Variants in CP observed in about 807,000 individuals in gnomAD.
CP encodes the protein caeruloplasmin.
In CP, 64 loss-of-function variants were observed where a neutral mutation model predicts 122.4. The ratio of observed to expected loss-of-function variants is 0.52; its 90% confidence interval spans 0.43 to 0.64. CP has a LOEUF of 0.64. Among genes scored for constraint, CP ranks in the 30% least tolerant of loss-of-function variants. CP has a pLI of 0.00. For synonymous variants in CP, 440 were observed against 436.4 expected, an observed-to-expected ratio of 1.01 and a Z score of -0.10; for missense variants, 1,167 against 1,284.4, an observed-to-expected ratio of 0.91 and a Z score of 1.40.
downstream of CP, among the ~76,000 whole-genome samples, chr3:149,171,792 C>T (rs1426012877): frequency 6.7e-6 from 1 of 148,498 alleles, no homozygotes; most frequent in Non-Finnish European, 1.5e-5. Context: ...GCAACTTCTG[C>T]CTCAAGGGTT....
chr3:149,207,757 C>T (rs1163810605), intron 4 of CP, 140 bp from the exon 5 acceptor site: 2 of 839,352 alleles, frequency 2.4e-6, no homozygotes, highest in Non-Finnish European at 3.9e-6. Flanking sequence ...ATACTCATGT[C>T]AGACATTGCT....
chr3:149,195,492 T>C (rs1366064995), intron 9 of CP, among the ~76,000 whole-genome samples: 1 of 152,190 alleles, frequency 6.6e-6, no homozygotes, highest in Non-Finnish European at 1.5e-5. Flanking sequence ...CAGAGTAATA[T>C]ATACTATGCA....
At chr3:149,178,697 T>A in intron 15 of CP, 66 bp from the exon 16 acceptor site, 1 of 1,204,894 alleles carries the variant, frequency 8.3e-7, no homozygotes, top group East Asian at 2.5e-5. Flanking sequence ...AACTGAGACT[T>A]TGCACCCAGG....
At chr3:149,176,098 C>A in intron 18 of CP, 152 bp downstream of exon 18, 1 of 721,152 alleles carries the variant, frequency 1.4e-6, no homozygotes, top group South Asian at 1.8e-5. Context: ...GGAAAAAAAT[C>A]CTGTTTGGAG....
chr3:149,200,622 C>G (rs977093720), intron 7 of CP, among the ~76,000 whole-genome samples: 1 of 151,982 alleles, frequency 6.6e-6, no homozygotes, highest in Non-Finnish European at 1.5e-5. Flanking sequence ...TCTGTCGCAG[C>G]CTCCCAGTAG....
downstream of CP, chr3:149,167,921 A>G: frequency 6.2e-7 from 1 of 1,608,040 alleles, no homozygotes; most frequent in Admixed American, 1.7e-5. Flanking sequence ...CTGTTGCCTG[A>G]ACTTTGTCAG....
chr3:149,182,037 G>C lies in CP; in HGVS notation c.2522C>G (p.Thr841Arg), dbSNP rs56033670. ...PYSIHAHGVQ[T>R]ESSTVTPTLP... The stretch of plus-strand genomic sequence containing the variant: ...TGTTGGAGTAACTGTAGAACTCTCT[G>C]TTTGTACCCCATGGGCATGTATTGA... The change falls in exon 14 of 19, where the codon ACA (threonine) becomes AGA (arginine). Residue 841 changes from threonine to arginine, a missense_variant. Around this residue, in one of 2 missense-constraint regions of CP, gnomAD observed 525 missense variants for 657.2 expected, o/e 0.80. Coordinates refer to ENST00000264613, the MANE Select transcript of CP (RefSeq NM_000096.4). 5.0e-3 allele frequency: 8,005 copies of C among 1,588,296 alleles called. 36 individuals carry two copies. Among genetic ancestry groups the C allele is most frequent in the Middle Eastern group, 0.011 (56 of 5,106 alleles).
At chr3:149,187,215 G>C (rs1374319524) in intron 10 of CP, among the ~76,000 whole-genome samples, 1 of 151,932 alleles carries the variant, frequency 6.6e-6, no homozygotes, top group Non-Finnish European at 1.5e-5. Context: ...AATTATTTTT[G>C]ATGATTAATA....
intron 9 of CP, among the ~76,000 whole-genome samples, chr3:149,194,940 G>C (rs781712283): frequency 6.6e-6 from 1 of 152,146 alleles, no homozygotes; most frequent in Non-Finnish European, 1.5e-5. Flanking sequence ...TAATAAAGCA[G>C]TATGGTATTG....
intron 4 of CP, chr3:149,167,371 CAT>C (rs1724529418): frequency 1.4e-6 from 1 of 733,418 alleles, no homozygotes; most frequent in Non-Finnish European, 2.4e-6. Context: ...GTCCATTGAG[CAT>C]ATATGTTTAA....
chr3:149,182,604 G>A (rs367937322), intron 13 of CP, among the ~76,000 whole-genome samples: 4 of 152,080 alleles, frequency 2.6e-5, no homozygotes, highest in African/African-American at 9.7e-5. Context: ...CCCTGCAATT[G>A]ATAGTTTTAA....
At chr3:149,178,338 T>C in intron 16 of CP, 77 bp downstream of exon 16, 2 of 1,153,114 alleles carry the variant, frequency 1.7e-6, no homozygotes, top group Non-Finnish European at 2.6e-6. Flanking sequence ...AACAAATGAA[T>C]GGTCTCCAAA....
intron 12 of CP, among the ~76,000 whole-genome samples, chr3:149,184,202 T>C (rs1725997146): frequency 1.3e-5 from 2 of 151,588 alleles, no homozygotes. Context: ...GCCCAGCTAA[T>C]TTTTTGTATT....
At chr3:149,174,635 G>C (rs1725292643) in intron 18 of CP, among the ~76,000 whole-genome samples, 1 of 152,254 alleles carries the variant, frequency 6.6e-6, no homozygotes, top group South Asian at 2.1e-4. Flanking sequence ...TACTTAGCTA[G>C]AAATACAGAA....
chr3:149,162,479 A>C, exon 6 of CP: 1 of 884,680 alleles, frequency 1.1e-6, no homozygotes, highest in South Asian at 1.4e-5. Flanking sequence ...AAAAGTACTA[A>C]TTAAAAGACT....
intron 6 of CP, among the ~76,000 whole-genome samples, chr3:149,205,771 G>T (rs1727671869): frequency 6.6e-6 from 1 of 152,050 alleles, no homozygotes; most frequent in African/African-American, 2.4e-5. Context: ...TGTTTAAAGG[G>T]TTCAGAGTTT....
At chr3:149,207,980 A>C (rs1727859282) in intron 4 of CP, among the ~76,000 whole-genome samples, 1 of 152,154 alleles carries the variant, frequency 6.6e-6, no homozygotes, top group African/African-American at 2.4e-5. Flanking sequence ...AAAAAGATTG[A>C]ATATTAGTAT....
In CP at chr3:149,162,978, T is replaced by C. The variant is rs1242553461; in HGVS notation, c.*14-103A>G. 30 of 1,023,008 alleles carry C rather than the reference T, an allele frequency of 2.9e-5. 1 individual carries two copies. The highest frequency in any genetic ancestry group is 2.3e-4 in the Admixed American group (12 of 51,806). 63.4% of individuals were successfully genotyped at this position (1,023,008 alleles called of 1,614,324 possible). On this transcript the variant is annotated intron_variant, in intron 5 of 5. Transcript: ENST00000479771. The stretch of plus-strand genomic sequence containing the variant: ...CTTATTATAAAATCTAACCTAGTTT[T>C]CTATTACCAGGTATCTTATTTATGC...
chr3:149,199,684 G>C (rs199605220), intron 8 of CP, 28 bp downstream of exon 8: 73 of 1,613,296 alleles, frequency 4.5e-5, no homozygotes, highest in Non-Finnish European at 8.5e-6. Context: ...AAACATTGTT[G>C]ATTTGTTACA....
Sources: gnomAD v4.1 joint callset for allele counts (sites outside exome capture counted in the v4.1 genomes callset) on GRCh38, gnomAD v4.1.1 for gene constraint, gnomAD v4.1.1 regional missense constraint, MANE v1.5 for transcripts, NCBI Gene and HGNC (gene_info 2026-07-23, HGNC 2026-07-21) for gene names.